The following FOXN3 variants were observed in gnomAD, a reference collection of about 807,000 sequenced individuals.
FOXN3 encodes the protein forkhead box N3.
In FOXN3, 7 loss-of-function variants were observed where a neutral mutation model predicts 38.4. The observed-to-expected ratio is 0.18, with a 90% CI of 0.10 to 0.34. The LOEUF is 0.34. Among genes scored for constraint, FOXN3 ranks in the 10% least tolerant of loss-of-function variants. The pLI is 1.00. For missense variants in FOXN3, 456 were observed against 613.4 expected, an observed-to-expected ratio of 0.74 and a Z score of 2.71; for synonymous variants, 230 against 242.2, an observed-to-expected ratio of 0.95 and a Z score of 0.47.
intron 4 of FOXN3, among the ~76,000 whole-genome samples, chr14:89,269,435 G>A (rs568819943): frequency 6.6e-6 from 1 of 151,880 alleles, no homozygotes; most frequent in East Asian, 1.9e-4. Context: ...TAATTTGATC[G>A]GATCTGCCTG....
rs576153419 is a variant in FOXN3, at chr14:89,358,823, C to G, written c.544-8015G>C. ...GGCTGACATGGACATTGGAGTCAGA[C>G]AGACCCGAGTCTGAGTCTTGTTTCA... On this transcript the variant is annotated intron_variant, in intron 2 of 5. Transcript: ENST00000557258. 7.9e-5 allele frequency among the ~76,000 whole-genome samples: 12 copies of G among 152,324 alleles called. No individual in the cohort carries two copies. The East Asian group carries it at 2.1e-3, about 27-fold the overall frequency.
At chr14:89,306,221 C>T (rs1261062397) in intron 3 of FOXN3, among the ~76,000 whole-genome samples, 4 of 152,156 alleles carry the variant, frequency 2.6e-5, no homozygotes, top group African/African-American at 7.2e-5. Context: ...TGGTGGCAGG[C>T]TCCAACAACC....
In FOXN3 at chr14:89,449,501, A is replaced by G. The variant is rs146643556; in HGVS notation, c.-14-37011T>C. 2.8e-3 allele frequency among the ~76,000 whole-genome samples: 428 copies of G among 152,374 alleles called. 2 individuals are homozygous for G. Among genetic ancestry groups the G allele is most frequent in the African/African-American group, 9.5e-3 (393 of 41,582 alleles). On this transcript the variant is annotated intron_variant, in intron 1 of 6. Transcript: ENST00000345097. ...TCCATGAAAGAAATTTAATAGTTCAACATGTCACACAGCAAGTCAATCAGA... is the reference window on the plus strand; with the variant it reads ...TCCATGAAAGAAATTTAATAGTTCAGCATGTCACACAGCAAGTCAATCAGA...
At chr14:89,173,525 C>G (rs1887444494) in intron 5 of FOXN3, among the ~76,000 whole-genome samples, 1 of 152,114 alleles carries the variant, frequency 6.6e-6, no homozygotes, top group South Asian at 2.1e-4. Context: ...TATCAAAGAA[C>G]TATTAATGAT....
intron 1 of FOXN3, among the ~76,000 whole-genome samples, chr14:89,525,415 AG>A (rs1255418932): frequency 6.6e-6 from 1 of 152,194 alleles, no homozygotes; most frequent in Non-Finnish European, 1.5e-5. Context: ...TGGCAATGTC[AG>A]GAAGTTACCC....
chr14:89,540,010 T>C (rs1894764235), intron 1 of FOXN3, among the ~76,000 whole-genome samples: 1 of 152,186 alleles, frequency 6.6e-6, no homozygotes, highest in Non-Finnish European at 1.5e-5. Context: ...CTCGGCTGTT[T>C]CTACTTTTCT....
chr14:89,481,271 G>A (rs1287278070), intron 1 of FOXN3, among the ~76,000 whole-genome samples: 2 of 152,072 alleles, frequency 1.3e-5, no homozygotes, highest in Non-Finnish European at 2.9e-5. Context: ...AAAATGCAGC[G>A]CCCAGTTTTA....
intron 3 of FOXN3, among the ~76,000 whole-genome samples, chr14:89,309,314 G>A (rs751664322): frequency 1.4e-4 from 22 of 151,974 alleles, no homozygotes; most frequent in African/African-American, 1.9e-4. Context: ...TTTACCCATC[G>A]GAACACGAGA....
intron 3 of FOXN3, among the ~76,000 whole-genome samples, chr14:89,315,619 A>G (rs370528395): frequency 3.9e-5 from 6 of 152,370 alleles, no homozygotes; most frequent in South Asian, 4.1e-4. Context: ...GCTGTCGAAC[A>G]GAATGAATAT....
At chr14:89,481,658 T>C (rs1163027038) in intron 1 of FOXN3, among the ~76,000 whole-genome samples, 2 of 152,196 alleles carry the variant, frequency 1.3e-5, no homozygotes, top group Non-Finnish European at 2.9e-5. Context: ...GACTGAATAA[T>C]TCAAACCTTT....
chr14:89,346,411 C>T (rs1006946537), intron 3 of FOXN3, among the ~76,000 whole-genome samples: 2 of 152,192 alleles, frequency 1.3e-5, no homozygotes, highest in African/African-American at 2.4e-5. Flanking sequence ...GATTCTAAGA[C>T]TTTCCCTGTT....
At chr14:89,193,490 G>A (rs1158260689) in intron 4 of FOXN3, among the ~76,000 whole-genome samples, 1 of 152,078 alleles carries the variant, frequency 6.6e-6, no homozygotes, top group African/African-American at 2.4e-5. Flanking sequence ...CACACTTGTG[G>A]GGGTGCTTTG....
intron 4 of FOXN3, among the ~76,000 whole-genome samples, chr14:89,240,739 G>A (rs1885116687): frequency 6.6e-6 from 1 of 152,206 alleles, no homozygotes; most frequent in African/African-American, 2.4e-5. Context: ...ACAAGAGAAT[G>A]CCGTACTTTT....
chr14:89,451,156 G>A (rs779436073), intron 1 of FOXN3, among the ~76,000 whole-genome samples: 1 of 152,052 alleles, frequency 6.6e-6, no homozygotes, highest in Non-Finnish European at 1.5e-5. Flanking sequence ...AGAAAGAAAA[G>A]CCAATGTTGA....
At chr14:89,195,141 C>T (rs1388624734) in intron 4 of FOXN3, among the ~76,000 whole-genome samples, 4 of 152,210 alleles carry the variant, frequency 2.6e-5, no homozygotes, top group Admixed American at 2.6e-4. Context: ...GTGCTCAGCA[C>T]GGTACTCCAA....
intron 3 of FOXN3, among the ~76,000 whole-genome samples, chr14:89,346,965 T>A (rs1566962456): frequency 1.3e-5 from 2 of 152,240 alleles, no homozygotes; most frequent in Non-Finnish European, 2.9e-5. Flanking sequence ...CAGCTTTGGC[T>A]ACTAGGAGCA....
chr14:89,276,331 T>C, intron 4 of FOXN3, among the ~76,000 whole-genome samples: 1 of 152,144 alleles, frequency 6.6e-6, no homozygotes, highest in Non-Finnish European at 1.5e-5. Flanking sequence ...AAATAAAATA[T>C]GTTAGATAAT....
At chr14:89,596,985 T>C (rs1308869928) in intron 1 of FOXN3, among the ~76,000 whole-genome samples, 1 of 152,162 alleles carries the variant, frequency 6.6e-6, no homozygotes, top group Non-Finnish European at 1.5e-5. Flanking sequence ...CTTGTCTTTA[T>C]TATCTCCTTT....
intron 2 of FOXN3, among the ~76,000 whole-genome samples, chr14:89,366,258 A>C: frequency 1.1e-5 from 1 of 92,724 alleles, no homozygotes; most frequent in Non-Finnish European, 2.3e-5. Context: ...GTCTCAAAAA[A>C]AGAAAAAAAA....
Sources: gnomAD v4.1 joint callset for allele counts (sites outside exome capture counted in the v4.1 genomes callset) on GRCh38, gnomAD v4.1.1 for gene constraint, MANE v1.5 for transcripts, NCBI Gene and HGNC (gene_info 2026-07-23, HGNC 2026-07-21) for gene names.